Variants in LRRTM3 observed in about 807,000 individuals in gnomAD.
The protein encoded by LRRTM3 is leucine-rich repeat transmembrane neuronal protein 3.
Under a neutral mutation model 44.7 loss-of-function variants are expected in LRRTM3, and 24 were observed. That is an observed-to-expected ratio of 0.54 (90% CI 0.39 to 0.76). LRRTM3 has a LOEUF of 0.76. LRRTM3 is among the 30% of genes least tolerant of loss of function. The probability of loss-of-function intolerance (pLI) is 0.00; values close to 1 mark genes in which losing one functional copy is unlikely to be tolerated. For synonymous variants in LRRTM3, 277 were observed against 278.7 expected (o/e 0.99, Z 0.06); for missense variants, 587 against 702.2 (o/e 0.84, Z 1.85).
intron 2 of LRRTM3, among the ~76,000 whole-genome samples, chr10:66,940,910 A>T (rs1005818787): frequency 5.3e-5 from 8 of 152,244 alleles, no homozygotes; most frequent in African/African-American, 1.7e-4. Context: ...CAATAACAGT[A>T]TGCAGCCTGC....
intron 2 of LRRTM3, among the ~76,000 whole-genome samples, chr10:67,006,301 G>C (rs1340260437): frequency 2.6e-5 from 4 of 152,096 alleles, no homozygotes; most frequent in Non-Finnish European, 5.9e-5. Flanking sequence ...GTGTGATAAA[G>C]AGGTATGCTT....
chr10:67,019,557 C>T (rs919250102), intron 2 of LRRTM3, among the ~76,000 whole-genome samples: 10 of 152,158 alleles, frequency 6.6e-5, no homozygotes, highest in Admixed American at 2.0e-4. Flanking sequence ...AGAACTTTAT[C>T]GTATATAAAA....
At chr10:67,078,778 C>T (rs545738690) in intron 2 of LRRTM3, among the ~76,000 whole-genome samples, 141 of 152,226 alleles carry the variant, frequency 9.3e-4, no homozygotes, top group Non-Finnish European at 1.5e-3. Context: ...GGCCCCCCAA[C>T]GTGCTGAGAT....
chr10:67,029,485 G>A (rs1175403749), intron 2 of LRRTM3, among the ~76,000 whole-genome samples: 1 of 152,056 alleles, frequency 6.6e-6, no homozygotes, highest in Non-Finnish European at 1.5e-5. Flanking sequence ...GATAACCGGT[G>A]GGTACTCATC....
chr10:66,935,765 G>A (rs535377879), intron 2 of LRRTM3, among the ~76,000 whole-genome samples: 11 of 150,768 alleles, frequency 7.3e-5, no homozygotes, highest in South Asian at 6.2e-4. Context: ...TGTTTTATGC[G>A]TTTCGTAAAC....
chr10:66,973,973 G>A lies in LRRTM3; in HGVS notation c.1536+45521G>A, dbSNP rs1008760547. 2.6e-5 allele frequency among the ~76,000 whole-genome samples: 4 copies of A among 152,048 alleles called. No homozygotes were observed. In the South Asian group the frequency reaches 8.3e-4, roughly 32 times the overall value. ...AAATATAATTTTCATAAAACAAAAT[G>A]CATAAAGTATACGGTTTAATAGGTT... is the stretch of plus-strand genomic sequence containing the variant. On this transcript the variant is annotated intron_variant, in intron 2 of 2. Transcript: ENST00000361320.
In LRRTM3 at chr10:67,101,442, A is replaced by G. The variant is rs1858335284; in HGVS notation, c.*3646A>G. 1.9e-5 allele frequency among the ~76,000 whole-genome samples: 2 copies of G among 106,036 alleles called. No homozygotes were observed. Among genetic ancestry groups the G allele is most frequent in the African/African-American group, 1.1e-4 (2 of 18,006 alleles). 69.6% of individuals were successfully genotyped at this position (106,036 alleles called of 152,430 possible). On this transcript the variant is annotated 3_prime_UTR_variant, in exon 3 of 3. Coordinates refer to ENST00000361320, the MANE Select transcript of LRRTM3 (RefSeq NM_178011.5). ...TTTTTTACTTGTAATAATAGAGAAC[A>G]ATTTTCTCCATTTTCTTATAAGAAA...
At chr10:67,090,582 T>C (rs1857572326) in intron 2 of LRRTM3, among the ~76,000 whole-genome samples, 2 of 152,106 alleles carry the variant, frequency 1.3e-5, no homozygotes, top group African/African-American at 4.8e-5. Flanking sequence ...TTATACAAAT[T>C]ATTTAAACTA....
chr10:67,078,226 AGAGT>A (rs1166899557), intron 2 of LRRTM3, among the ~76,000 whole-genome samples: 5 of 152,202 alleles, frequency 3.3e-5, no homozygotes, highest in Admixed American at 2.6e-4. Flanking sequence ...ATGGGCATGA[AGAGT>A]GATCTTCCCC....
At chr10:66,977,152 A>G (rs1170628776) in intron 2 of LRRTM3, among the ~76,000 whole-genome samples, 1 of 152,084 alleles carries the variant, frequency 6.6e-6, no homozygotes, top group Non-Finnish European at 1.5e-5. Flanking sequence ...GAATATATAA[A>G]GGTTGGCCGG....
At position 67,100,975 on chromosome 10, in the gene LRRTM3, A is replaced by C. The variant is rs1332690260; in HGVS notation, c.*3179A>C. Reference sequence around the variant, plus strand: ...AATGAAAGAATATATATCTATATATATTTGACATGTTGTTTAGTAATCCCT... The same window carrying C: ...AATGAAAGAATATATATCTATATATCTTTGACATGTTGTTTAGTAATCCCT... On this transcript the variant is annotated 3_prime_UTR_variant, in exon 3 of 3. Transcript: ENST00000361320. Among the ~76,000 whole-genome samples, 1 of 151,740 alleles carries C rather than the reference A, an allele frequency of 6.6e-6. No homozygotes were observed. The highest frequency in any genetic ancestry group is 2.4e-5 in the African/African-American group (1 of 41,382).
chr10:67,083,444 AG>A (rs1171592838), intron 2 of LRRTM3, among the ~76,000 whole-genome samples: 3 of 152,076 alleles, frequency 2.0e-5, no homozygotes, highest in African/African-American at 7.2e-5. Context: ...CCCCCACTAA[AG>A]CAGAATAACC....
chr10:66,927,093 AT>A lies in LRRTM3; in HGVS notation c.178del (p.Ser60LeufsTer5). ...QKLQEIPSSI[S>X]AGCLGLSLRY... ...AATTACAGGAGATACCCTCAAGTAT[AT>A]CTGCTGGTTGCTTAGGTTTGTCCCT... On this transcript the variant is annotated frameshift_variant, in exon 2 of 3. Transcript: ENST00000361320. LOFTEE classifies it high-confidence loss of function. The surrounding 1 kb of genome is among the most constrained non-coding windows in gnomAD (Gnocchi z 4.7). 1 of 1,614,220 alleles carries A rather than the reference AT, an allele frequency of 6.2e-7. No homozygotes were observed. The highest frequency in any genetic ancestry group is 8.5e-7 in the Non-Finnish European group (1 of 1,180,046).
chr10:67,050,015 T>A (rs959011189), intron 2 of LRRTM3, among the ~76,000 whole-genome samples: 1 of 152,196 alleles, frequency 6.6e-6, no homozygotes, highest in African/African-American at 2.4e-5. Flanking sequence ...ATTTGTAAGT[T>A]AGTAGATGCT....
chr10:66,938,627 T>C (rs531379903), intron 2 of LRRTM3, among the ~76,000 whole-genome samples: 2 of 152,214 alleles, frequency 1.3e-5, no homozygotes, highest in East Asian at 3.9e-4. Flanking sequence ...CACGTGTGAG[T>C]AGACTCATGC....
rs1243684203 is a variant in LRRTM3, at chr10:66,926,994, G to A, written c.78G>A (p.Met26Ile). ...TAGCCCCCACTGTCTTACTGACAAT[G>A]CTTTCTTCTGCCGAACGAGGATGCC... ...LVIAPTVLLTMLSSAERGCPK... is the reference protein window; with the variant it reads ...LVIAPTVLLTILSSAERGCPK... Residue 26 changes from methionine (M) to isoleucine (I), a missense_variant, in exon 2 of 3, where the codon ATG becomes ATA. By Grantham distance (10) the Met-to-Ile change is conservative. Coordinates refer to ENST00000361320, the MANE Select transcript of LRRTM3 (RefSeq NM_178011.5). 5.0e-6 allele frequency: 8 copies of A among 1,614,128 alleles called. No individual in the cohort carries two copies. Among genetic ancestry groups the A allele is most frequent in the Non-Finnish European group, 6.8e-6 (8 of 1,180,022 alleles).
intron 2 of LRRTM3, among the ~76,000 whole-genome samples, chr10:66,980,035 T>C (rs551031047): frequency 6.6e-6 from 1 of 152,172 alleles, no homozygotes; most frequent in Non-Finnish European, 1.5e-5. Context: ...CTGGAGACAC[T>C]TTTTTCCCTA....
At chr10:67,070,182 C>T (rs1301772352) in intron 2 of LRRTM3, among the ~76,000 whole-genome samples, 1 of 152,084 alleles carries the variant, frequency 6.6e-6, no homozygotes, top group African/African-American at 2.4e-5. Flanking sequence ...ATATATATTG[C>T]AATTTGGATA....
chr10:67,053,720 TG>T (rs2133195251), intron 2 of LRRTM3, among the ~76,000 whole-genome samples: 1 of 152,248 alleles, frequency 6.6e-6, no homozygotes, highest in East Asian at 1.9e-4. Context: ...AAAAAATAAA[TG>T]GTGGTAAGCA....
Sources: gnomAD v4.1 joint callset for allele counts (sites outside exome capture counted in the v4.1 genomes callset) on GRCh38, gnomAD v4.1.1 for gene constraint, Gnocchi (gnomAD v3.1) non-coding constraint, MANE v1.5 for transcripts, NCBI Gene and HGNC (gene_info 2026-07-23, HGNC 2026-07-21) for gene names.